The following CDH3 variants were observed in gnomAD, a reference collection of about 807,000 sequenced individuals.
The protein encoded by CDH3 is cadherin 3, also known as cadherin-3.
CDH3 carries 54 observed loss-of-function variants against 82.0 expected under a neutral mutation model. That is an observed-to-expected ratio of 0.66 (90% CI 0.53 to 0.83). The LOEUF (loss-of-function observed/expected upper bound fraction) is 0.83. Ranked by LOEUF, CDH3 falls within the 40% of genes least tolerant of loss-of-function variation. The pLI is 0.00. For synonymous variants in CDH3, 446 were observed against 437.9 expected, an observed-to-expected ratio of 1.02 and a Z score of -0.23; for missense variants, 1,054 against 1,084.6, an observed-to-expected ratio of 0.97 and a Z score of 0.40.
intron 2 of CDH3, among the ~76,000 whole-genome samples, chr16:68,661,595 C>G (rs1164107385): frequency 6.6e-6 from 1 of 152,212 alleles, no homozygotes; most frequent in Non-Finnish European, 1.5e-5. Flanking sequence ...AATTATCAAA[C>G]ACCTACTTTG....
At chr16:68,656,818 G>A (rs558645856) in intron 2 of CDH3, among the ~76,000 whole-genome samples, 5 of 152,140 alleles carry the variant, frequency 3.3e-5, no homozygotes, top group Non-Finnish European at 4.4e-5. Flanking sequence ...CCTGCTAATC[G>A]CCAGGAGGGT....
chr16:68,660,966 CAAAAAA>C (rs10590071), intron 2 of CDH3, among the ~76,000 whole-genome samples: 6 of 117,034 alleles, frequency 5.1e-5, no homozygotes, highest in African/African-American at 1.2e-4. Context: ...GACTCCGTCT[CAAAAAA>C]AAAAAAAAAA....
chr16:68,724,717 A>C (rs1962201104), intron 2 of CDH3, among the ~76,000 whole-genome samples: 1 of 152,168 alleles, frequency 6.6e-6, no homozygotes. Flanking sequence ...TGAATAAATA[A>C]ATGGTGTTAG....
In CDH3 at chr16:68,720,871, C is replaced by T. The variant is rs151255927; in HGVS notation, c.100-1554C>T. On this transcript the variant is annotated intron_variant, in intron 1 of 2. Coordinates refer to the CDH3 transcript ENST00000569080. Reference sequence around the variant, plus strand: ...TTGACCTCAAGTGATCCACCCTCCTCGGCCTCCCAAAGTGCTGGGATTACA... The same window carrying T: ...TTGACCTCAAGTGATCCACCCTCCTTGGCCTCCCAAAGTGCTGGGATTACA... Among the ~76,000 whole-genome samples the T allele has an allele frequency of 3.2e-3, 494 of 152,096 alleles. 1 individual carries two copies. Among genetic ancestry groups the T allele is most frequent in the Middle Eastern group, 6.8e-3 (2 of 294 alleles).
rs1353674222 is a variant in CDH3 at position 68,683,719 on chromosome 16, A to G, written c.1183-864A>G. On this transcript the variant is annotated intron_variant, in intron 9 of 15. Transcript: ENST00000264012. ...GGACAACATGGAGAAAAAAAAAAAAAAAGAAAATCCAGCCTGGACAACATG... is the reference window on the plus strand; with the variant it reads ...GGACAACATGGAGAAAAAAAAAAAAGAAGAAAATCCAGCCTGGACAACATG... Among the ~76,000 whole-genome samples the G allele has an allele frequency of 3.4e-4, 24 of 69,584 alleles. 1 individual carries two copies. The highest frequency in any genetic ancestry group is 7.2e-4 in the Non-Finnish European group (24 of 33,120). 45.6% of individuals were successfully genotyped at this position (69,584 alleles called of 152,430 possible).
intron 2 of CDH3, chr16:68,651,697 T>A: frequency 1.9e-6 from 1 of 513,554 alleles, no homozygotes; most frequent in Non-Finnish European, 3.9e-6. Flanking sequence ...TTGGAGAGGT[T>A]TTCTAGCTGG....
intron 1 of CDH3, among the ~76,000 whole-genome samples, chr16:68,711,355 A>T (rs1962029132): frequency 6.8e-6 from 1 of 146,386 alleles, no homozygotes; most frequent in Non-Finnish European, 1.5e-5. Flanking sequence ...AAAAGAAAGA[A>T]AAGGAAAGAA....
At chr16:68,659,489 C>T (rs533649338) in intron 2 of CDH3, among the ~76,000 whole-genome samples, 177 of 151,664 alleles carry the variant, frequency 1.2e-3, no homozygotes, top group African/African-American at 3.7e-3. Flanking sequence ...GCAGGAGAAT[C>T]GCTTGAACCT....
At chr16:68,649,750 G>A (rs1490499776) in intron 2 of CDH3, among the ~76,000 whole-genome samples, 1 of 152,096 alleles carries the variant, frequency 6.6e-6, no homozygotes, top group African/African-American at 2.4e-5. Flanking sequence ...AACCTACTGA[G>A]GGGCGAGGCG....
downstream of CDH3, among the ~76,000 whole-genome samples, chr16:68,731,561 G>A (rs1219307889): frequency 6.7e-6 from 1 of 148,642 alleles, no homozygotes; most frequent in Non-Finnish European, 1.5e-5. Flanking sequence ...TACAATTTGG[G>A]CGTGATGGCT....
chr16:68,651,781 T>G, intron 2 of CDH3: 1 of 493,972 alleles, frequency 2.0e-6, no homozygotes, highest in Non-Finnish European at 4.1e-6. Flanking sequence ...GTGTGTAAGA[T>G]AATTCTGTCC....
At chr16:68,655,681 TAAC>T (rs10689316) in intron 2 of CDH3, among the ~76,000 whole-genome samples, 1 of 151,704 alleles carries the variant, frequency 6.6e-6, no homozygotes, top group Admixed American at 6.6e-5. Flanking sequence ...CCGTCTCTGC[TAAC>T]AACAACAACA....
chr16:68,657,208 C>T (rs1960429416), intron 2 of CDH3, among the ~76,000 whole-genome samples: 1 of 152,242 alleles, frequency 6.6e-6, no homozygotes, highest in African/African-American at 2.4e-5. Flanking sequence ...CAGAATGCCT[C>T]ACCTGGGGAA....
chr16:68,658,640 C>G (rs1597794252), intron 2 of CDH3, among the ~76,000 whole-genome samples: 1 of 152,156 alleles, frequency 6.6e-6, no homozygotes, highest in Non-Finnish European at 1.5e-5. Flanking sequence ...GAGCTCTCCC[C>G]ACACAAGCCA....
downstream of CDH3, among the ~76,000 whole-genome samples, chr16:68,727,913 A>G (rs1962235615): frequency 6.6e-6 from 1 of 152,056 alleles, no homozygotes; most frequent in Non-Finnish European, 1.5e-5. Context: ...CATCTCCAAA[A>G]ACAACAACAA....
chr16:68,672,142 G>A (rs1382531264), intron 2 of CDH3, among the ~76,000 whole-genome samples: 5 of 149,338 alleles, frequency 3.3e-5, no homozygotes, highest in African/African-American at 5.0e-5. Flanking sequence ...GCAGTGAGCC[G>A]AGATTGCGCC....
Position 68,678,746 on chromosome 16 carries a change from G to T in CDH3, c.547-16G>T, listed in dbSNP as rs771435632. 1.9e-6 allele frequency: 3 copies of T among 1,614,162 alleles called. No individual in the cohort carries two copies. Among genetic ancestry groups the T allele is most frequent in the Middle Eastern group, 1.6e-4 (1 of 6,062 alleles). On this transcript the variant is annotated splice_polypyrimidine_tract_variant and intron_variant, in intron 5 of 15. Transcript: ENST00000264012. ...TGGGTGGCACCGGGCTGACCCCAGA[G>T]CTGTGTACCCCACAGCTCTTTGGCC...
At position 68,712,139 on chromosome 16, in the gene CDH3, G is replaced by T. The variant is rs185104954; in HGVS notation, c.100-10286G>T. 2.0e-4 allele frequency among the ~76,000 whole-genome samples: 29 copies of T among 148,108 alleles called. No individual in the cohort carries two copies. The East Asian group carries it at 5.9e-3, about 30-fold the overall frequency. On this transcript the variant is annotated intron_variant, in intron 1 of 2. Coordinates refer to the CDH3 transcript ENST00000569080. ...TGCAGCCTCAACCCCCCAGGCTCGA[G>T]CAATCCTCCCATTCGGCCTCCCGAG...
At chr16:68,701,810 G>A (rs1961899641), downstream of CDH3, among the ~76,000 whole-genome samples, 1 of 151,890 alleles carries the variant, frequency 6.6e-6, no homozygotes, top group Non-Finnish European at 1.5e-5. Context: ...CGGATTATGA[G>A]GTCAGGAGTT....
Sources: gnomAD v4.1 joint callset for allele counts (sites outside exome capture counted in the v4.1 genomes callset) on GRCh38, gnomAD v4.1.1 for gene constraint, MANE v1.5 for transcripts, NCBI Gene and HGNC (gene_info 2026-07-23, HGNC 2026-07-21) for gene names.